Variants in GLRA2 observed in about 807,000 individuals in gnomAD.
GLRA2 encodes glycine receptor alpha 2.
Under a neutral mutation model 31.6 loss-of-function variants are expected in GLRA2, and 11 were observed. That is an observed-to-expected ratio of 0.35 (90% confidence interval 0.22 to 0.58). The LOEUF is 0.58. Ranked by LOEUF, GLRA2 falls within the 20% of genes least tolerant of loss-of-function variation. The probability of loss-of-function intolerance (pLI) is 0.84; values close to 1 mark genes in which losing one functional copy is unlikely to be tolerated. For missense variants in GLRA2, 212 were observed against 351.8 expected, an observed-to-expected ratio of 0.60 and a Z score of 3.18; for synonymous variants, 132 against 134.0, an observed-to-expected ratio of 0.99 and a Z score of 0.10.
At chrX:14,511,521 T>C in the GLRA2 span, among the ~76,000 whole-genome samples, 1 of 112,076 alleles carries the variant, frequency 8.9e-6, no homozygotes, top group African/African-American at 3.2e-5. Flanking sequence ...AAAAGTTGAA[T>C]TAGATTTTCT....
At chrX:14,485,794 A>G in the GLRA2 span, among the ~76,000 whole-genome samples, 4 of 111,557 alleles carry the variant, frequency 3.6e-5, no homozygotes, top group Admixed American at 3.8e-4. Context: ...TCTATTCTCA[A>G]CAAAGCTCCA....
At chrX:14,644,432 A>G (rs1372232095) in intron 7 of GLRA2, among the ~76,000 whole-genome samples, 1 of 111,325 alleles carries the variant, frequency 9.0e-6, no homozygotes, top group Non-Finnish European at 1.9e-5. Context: ...TATTTAGAAA[A>G]TCCCTCTTTC....
At chrX:14,501,211 G>A in the GLRA2 span, among the ~76,000 whole-genome samples, 1 of 110,958 alleles carries the variant, frequency 9.0e-6, no homozygotes, top group Non-Finnish European at 1.9e-5. Flanking sequence ...TATTTTGATG[G>A]GAATGTCAAA....
At chrX:14,616,275 T>G (rs1264583731) in intron 7 of GLRA2, among the ~76,000 whole-genome samples, 2 of 112,032 alleles carry the variant, frequency 1.8e-5, no homozygotes, top group African/African-American at 6.5e-5. Flanking sequence ...CATTTGTGGC[T>G]GAAGCCCAGA....
chrX:14,561,546 G>C (rs913940509), intron 2 of GLRA2, among the ~76,000 whole-genome samples: 2 of 112,383 alleles, frequency 1.8e-5, no homozygotes, highest in African/African-American at 3.2e-5. Context: ...GGCCCACAAA[G>C]GCTAAACTAT....
At chrX:14,454,039 C>T in the GLRA2 span, among the ~76,000 whole-genome samples, 37 of 110,658 alleles carry the variant, frequency 3.3e-4, no homozygotes, top group South Asian at 3.8e-4. Context: ...GGAGAGGGAG[C>T]GTAGTAGAAA....
At chrX:14,567,760 T>C (rs2089825861) in intron 2 of GLRA2, among the ~76,000 whole-genome samples, 1 of 112,238 alleles carries the variant, frequency 8.9e-6, no homozygotes, top group Non-Finnish European at 1.9e-5. Flanking sequence ...TTACTAGAGC[T>C]AATAAATTCA....
chrX:14,677,900 C>G (rs2091160944), intron 7 of GLRA2, among the ~76,000 whole-genome samples: 1 of 112,148 alleles, frequency 8.9e-6, no homozygotes, highest in African/African-American at 3.2e-5. Context: ...TGCTTTCTCT[C>G]TCTCAGGGTT....
At chrX:14,526,399 A>T (rs1490975632), upstream of GLRA2, among the ~76,000 whole-genome samples, 1 of 112,499 alleles carries the variant, frequency 8.9e-6, no homozygotes, top group Non-Finnish European at 1.9e-5. Flanking sequence ...CTGATTCTGA[A>T]CAAATCACTC....
chrX:14,487,692 T>A, the GLRA2 span, among the ~76,000 whole-genome samples: 1 of 111,812 alleles, frequency 8.9e-6, no homozygotes, highest in East Asian at 2.8e-4. Flanking sequence ...TATAAAGATA[T>A]CTAAAGCTAC....
intron 1 of GLRA2, among the ~76,000 whole-genome samples, chrX:14,531,429 CTA>C (rs1349922751): frequency 9.0e-6 from 1 of 111,039 alleles, no homozygotes; most frequent in African/African-American, 3.3e-5. Context: ...ACCAAATATG[CTA>C]TGTTTAATAA....
At chrX:14,513,718 C>T in the GLRA2 span, among the ~76,000 whole-genome samples, 1 of 111,513 alleles carries the variant, frequency 9.0e-6, no homozygotes, top group Non-Finnish European at 1.9e-5. Context: ...CAATGCAATA[C>T]CACCTTACTC....
the GLRA2 span, among the ~76,000 whole-genome samples, chrX:14,463,668 C>A: frequency 1.8e-5 from 2 of 110,998 alleles, no homozygotes; most frequent in East Asian, 2.9e-4. Flanking sequence ...GGTGTGGGAC[C>A]CGCCGAGACA....
chrX:14,454,898 T>A, the GLRA2 span, among the ~76,000 whole-genome samples: 1 of 112,601 alleles, frequency 8.9e-6, no homozygotes, highest in Non-Finnish European at 1.9e-5. Context: ...GTTTTAAAAA[T>A]AGCTATCCCA....
intron 8 of GLRA2, among the ~76,000 whole-genome samples, chrX:14,720,092 A>G (rs1488947304): frequency 1.8e-5 from 2 of 111,735 alleles, no homozygotes; most frequent in Non-Finnish European, 3.8e-5. Context: ...ACAGAAGTAC[A>G]GCTACATAAG....
rs188373751 is a variant in GLRA2, at chrX:14,619,741, C to G, written c.930+10536C>G. Among the ~76,000 whole-genome samples the G allele has an allele frequency of 3.1e-3, 349 of 110,956 alleles. 1 individual carries two copies. Among genetic ancestry groups the G allele is most frequent in the Non-Finnish European group, 5.2e-3 (277 of 52,873 alleles). On this transcript the variant is annotated intron_variant, in intron 7 of 8. Transcript: ENST00000218075. ...CTTATAGCAACACTATCATTTATAT[C>G]AAACTCTATTATGGATTATGTTTAT...
At chrX:14,608,103 G>A (rs1189517861) in intron 6 of GLRA2, among the ~76,000 whole-genome samples, 1 of 111,353 alleles carries the variant, frequency 9.0e-6, no homozygotes, top group Non-Finnish European at 1.9e-5. Flanking sequence ...TACTTATGAA[G>A]TAACCAAAAC....
At chrX:14,589,450 G>A (rs2090116726) in intron 4 of GLRA2, among the ~76,000 whole-genome samples, 2 of 104,538 alleles carry the variant, frequency 1.9e-5, no homozygotes, top group Non-Finnish European at 3.9e-5. Context: ...ATGAGGTCAG[G>A]AGATCGAGAC....
Position 14,730,891 on chromosome X carries a change from TACAC to T in GLRA2, c.*462_*465del, listed in dbSNP as rs55910036. 615 of 97,795 alleles carry T rather than the reference TACAC, an allele frequency of 6.3e-3. 9 individuals are homozygous for T. The highest frequency in any genetic ancestry group is 0.012 in the African/African-American group (268 of 21,850). The allele number at this position is 97,795 out of a possible 1,213,427, so 8.1% of individuals were successfully genotyped here. A position where few individuals can be genotyped will look rare whatever the true frequency, so the allele number is the denominator to read the frequency against. On this transcript the variant is annotated 3_prime_UTR_variant, in exon 9 of 9. Transcript: ENST00000218075. ...AATTCTGGTACTGAAAAGTTAGCTA[TACAC>T]ACACACACACACACACACACACACA... is the stretch of plus-strand genomic sequence containing the variant.
Sources: allele counts gnomAD v4.1 joint callset (sites outside exome capture counted in the v4.1 genomes callset), GRCh38; gene constraint gnomAD v4.1.1; transcripts MANE v1.5; gene names NCBI Gene and HGNC (gene_info 2026-07-23, HGNC 2026-07-21).